The following GAREM2 variants were observed in gnomAD, a reference collection of about 807,000 sequenced individuals.
GAREM2 encodes GRB2 associated regulator of MAPK1 subtype 2.
Under a neutral mutation model 55.6 loss-of-function variants are expected in GAREM2, and 30 were observed. That is an observed-to-expected ratio of 0.54 (90% confidence interval 0.40 to 0.73). The LOEUF is 0.73. Among genes scored for constraint, GAREM2 ranks in the 30% least tolerant of loss-of-function variants. GAREM2 has a pLI of 0.00. For synonymous variants in GAREM2, 550 were observed against 569.1 expected (o/e 0.97, Z 0.48); for missense variants, 1,075 against 1,257.7 (o/e 0.85, Z 2.20).
intron 1 of GAREM2, 139 bp from the exon 2 acceptor site, chr2:26,176,205 T>G (rs1668859781): frequency 1.3e-6 from 1 of 793,754 alleles, no homozygotes; most frequent in East Asian, 3.3e-5. Context: ...CCCTTGAGCT[T>G]TGCTGACCTG....
downstream of GAREM2, chr2:26,194,563 T>C (rs1669607891): frequency 1.3e-6 from 2 of 1,582,324 alleles, no homozygotes; most frequent in Non-Finnish European, 1.7e-6. Flanking sequence ...TGGAGAGCAA[T>C]ACCAACCTGG....
At position 26,185,241 on chromosome 2, in the gene GAREM2, G is replaced by GCGC. The variant is rs765089289; in HGVS notation, c.1401_1403dup (p.Pro469dup). 1.5e-5 allele frequency: 23 copies of GCGC among 1,521,470 alleles called. No homozygotes were observed. Among genetic ancestry groups the GCGC allele is most frequent in the Non-Finnish European group, 1.9e-5 (22 of 1,141,352 alleles). The allele number at this position is 1,521,470 out of a possible 1,614,324, so 94.2% of individuals were successfully genotyped here. A position where few individuals can be genotyped will look rare whatever the true frequency, so the allele number is the denominator to read the frequency against. Reference sequence around the variant, plus strand: ...GGGACCGCCGCGTCGGGAGCCGGAAGCGCCGCCGCCTCCAGTCCCTCCCAA... The same window carrying GCGC: ...GGGACCGCCGCGTCGGGAGCCGGAAGCGCCGCCGCCGCCTCCAGTCCCTCCCAA... On this transcript the variant is annotated inframe_insertion, in exon 4 of 6. Transcript: ENST00000401533.
At chr2:26,193,895 G>T (rs1669585629), downstream of GAREM2, 2 of 744,896 alleles carry the variant, frequency 2.7e-6, no homozygotes, top group Non-Finnish European at 4.7e-6. Context: ...ACCTGACCAG[G>T]CCCAGGACTG....
Position 26,184,777 on chromosome 2 carries a change from C to G in GAREM2, c.929C>G (p.Pro310Arg). 2 of 1,498,896 alleles carry G rather than the reference C, an allele frequency of 1.3e-6. No homozygotes were observed. The highest frequency in any genetic ancestry group is 1.8e-6 in the Non-Finnish European group (2 of 1,130,468). 92.8% of individuals were successfully genotyped at this position (1,498,896 alleles called of 1,614,324 possible). ...VLGLALRREG[P>R]APLHFLLLTD... ...GGGCTGGCGCTGCGCCGCGAGGGCC[C>G]GGCGCCGCTGCACTTCCTGCTGCTC... Residue 310 changes from proline to arginine, a missense_variant, in exon 4 of 6, where the codon CCG becomes CGG. Physicochemically the swap from Pro to Arg is moderately radical, Grantham distance 103 (BLOSUM62 -2). This residue lies in a region of GAREM2 where 170 missense variants were observed against 220.7 expected (regional missense o/e 0.77). Transcript: ENST00000401533.
rs573445637 is a variant in GAREM2, at chr2:26,187,564, G to C, written c.1932G>C (p.Ala644=). Residue 644 remains alanine, a synonymous_variant, in exon 6 of 6, where the codon GCG becomes GCC. Transcript: ENST00000401533. The stretch of plus-strand genomic sequence containing the variant: ...CTGCCTACCCCTCAGGCCCTTCAGC[G>C]GCCTTGTCTTCTGGGCCCAGAACCA... ...SGPAYPSGPS[A]ALSSGPRTTS... 1.3e-6 allele frequency: 2 copies of C among 1,544,716 alleles called. No individual in the cohort carries two copies. The highest frequency in any genetic ancestry group is 2.7e-5 in the African/African-American group (2 of 72,922).
intron 2 of GAREM2, among the ~76,000 whole-genome samples, chr2:26,178,889 AGGAGGC>A (rs1553309898): frequency 1.3e-5 from 2 of 149,704 alleles, no homozygotes; most frequent in African/African-American, 5.0e-5. Context: ...GGAGGGGAGG[AGGAGGC>A]GGAGGCGGAG....
the GAREM2 span, among the ~76,000 whole-genome samples, chr2:26,202,768 T>C: frequency 6.6e-6 from 1 of 152,156 alleles, no homozygotes; most frequent in African/African-American, 2.4e-5. Context: ...AATAAGGTCT[T>C]AAAAGTATGG....
chr2:26,197,701 CT>C, the GAREM2 span: 2 of 1,454,086 alleles, frequency 1.4e-6, no homozygotes, highest in Non-Finnish European at 1.9e-6. Flanking sequence ...CTTCTCAGGT[CT>C]TTTGCTGACA....
At chr2:26,191,507 G>C, downstream of GAREM2, 1 of 1,614,180 alleles carries the variant, frequency 6.2e-7, no homozygotes, top group Non-Finnish European at 8.5e-7. Flanking sequence ...GGGAAGCCAA[G>C]CCCAAAGACG....
At chr2:26,186,413 G>C (rs1417931682) in intron 5 of GAREM2, 55 bp downstream of exon 5, 12 of 1,479,150 alleles carry the variant, frequency 8.1e-6, no homozygotes, top group African/African-American at 1.4e-5. Context: ...AGGCAGGGAA[G>C]GGTGAGGAGG....
chr2:26,197,905 G>A, the GAREM2 span: 1 of 724,876 alleles, frequency 1.4e-6, no homozygotes, highest in Non-Finnish European at 2.6e-6. Context: ...GACAGTAGAT[G>A]TCACTCACCC....
intron 2 of GAREM2, among the ~76,000 whole-genome samples, chr2:26,178,962 C>T (rs1327752005): frequency 4.0e-5 from 6 of 150,558 alleles, no homozygotes; most frequent in Non-Finnish European, 8.9e-5. Context: ...GCTGAGTGCA[C>T]GGCTGGGCTC....
the GAREM2 span, chr2:26,195,280 A>G: frequency 6.6e-7 from 1 of 1,524,556 alleles, no homozygotes; most frequent in South Asian, 1.1e-5. Flanking sequence ...GCGGGTGAGG[A>G]ACCTGAGAGC....
In GAREM2 at chr2:26,184,545, T is replaced by C; in HGVS notation, c.697T>C (p.Cys233Arg). 6.5e-7 allele frequency: 1 copy of C among 1,547,988 alleles called. No homozygotes were observed. The highest frequency in any genetic ancestry group is 8.7e-7 in the Non-Finnish European group (1 of 1,145,974). The change falls in exon 4 of 6, where the codon TGC becomes CGC. Residue 233 changes from cysteine to arginine, a missense_variant. Physicochemically the swap from Cys to Arg is radical, Grantham distance 180. Coordinates refer to ENST00000401533, the MANE Select transcript of GAREM2 (RefSeq NM_001168241.2). ...CGAAAGCCTGAGCCTGCCCTTTCAG[T>C]GCCAGGGCCGCTTCAGCACTCGCAG... is the stretch of plus-strand genomic sequence containing the variant. ...TNESLSLPFQ[C>R]QGRFSTRSPL...
chr2:26,187,412 C>T lies in GAREM2; in HGVS notation c.1780C>T (p.Arg594Ter), dbSNP rs997287150. The part of the protein sequence containing the change: ...SRALTEPLSG[R>*]AASLLGADTP... ...GGCCCTCACAGAGCCTCTGAGCGGT[C>T]GAGCCGCCTCCCTTCTGGGGGCTGA... Residue 594 changes from arginine to a stop codon, truncating the protein, a stop_gained, in exon 6 of 6, where the codon CGA (arginine) becomes TGA (stop). Transcript: ENST00000401533. LOFTEE classifies it high-confidence loss of function. The T allele has an allele frequency of 3.2e-6, 5 of 1,547,288 alleles. No homozygotes were observed. The highest frequency in any genetic ancestry group is 4.4e-6 in the Non-Finnish European group (5 of 1,144,862).
chr2:26,179,310 A>G lies in GAREM2; in HGVS notation c.253+2826A>G, dbSNP rs961666423. 2.0e-5 allele frequency among the ~76,000 whole-genome samples: 3 copies of G among 152,204 alleles called. No individual in the cohort carries two copies. Among genetic ancestry groups the G allele is most frequent in the African/African-American group, 7.2e-5 (3 of 41,456 alleles). On this transcript the variant is annotated intron_variant, in intron 2 of 5. Coordinates refer to ENST00000401533, the MANE Select transcript of GAREM2 (RefSeq NM_001168241.2). This position sits in a 1 kb window ranked among gnomAD's most constrained non-coding sequence, Gnocchi z 4.7. ...ATTTGGCAGATGCGCCTCTGGCCCA[A>G]CTAGGATGTTTCCATTTTACAGACG...
the GAREM2 span, chr2:26,197,725 C>A: frequency 6.4e-7 from 1 of 1,556,920 alleles, no homozygotes. Flanking sequence ...AGCGATTTCA[C>A]TGATTGGGAG....
intron 4 of GAREM2, 32 bp from the exon 5 acceptor site, chr2:26,186,157 G>A (rs1669245430): frequency 6.8e-7 from 1 of 1,467,940 alleles, no homozygotes; most frequent in East Asian, 2.6e-5. Flanking sequence ...GCTGTTTGGA[G>A]TCGAGGTGGA....
chr2:26,192,827 TG>T (rs1183820450), downstream of GAREM2, among the ~76,000 whole-genome samples: 1 of 152,250 alleles, frequency 6.6e-6, no homozygotes, highest in Non-Finnish European at 1.5e-5. Flanking sequence ...TCTGAATTCC[TG>T]AATTTGTATG....
Sources: allele counts gnomAD v4.1 joint callset (sites outside exome capture counted in the v4.1 genomes callset), GRCh38; gene constraint gnomAD v4.1.1; regional missense constraint gnomAD v4.1.1; non-coding constraint Gnocchi (gnomAD v3.1); transcripts MANE v1.5; gene names NCBI Gene and HGNC (gene_info 2026-07-23, HGNC 2026-07-21).